KCNH1: variants seen among roughly 807,000 people sequenced by gnomAD.
KCNH1 encodes voltage-gated delayed rectifier potassium channel KCNH1.
In KCNH1, 27 loss-of-function variants were observed where a neutral mutation model predicts 69.2. That is an observed-to-expected ratio of 0.39 (90% CI 0.29 to 0.54). The LOEUF (loss-of-function observed/expected upper bound fraction) is 0.54, where lower values mean the gene tolerates loss of function less well. Among genes scored for constraint, KCNH1 ranks in the 20% least tolerant of loss-of-function variants. KCNH1 has a pLI of 0.68. For synonymous variants in KCNH1, 456 were observed against 487.7 expected (o/e 0.93, Z 0.86); for missense variants, 798 against 1,261.6 (o/e 0.63, Z 5.57).
At chr1:210,813,194 C>T (rs1684742787) in intron 7 of KCNH1, among the ~76,000 whole-genome samples, 1 of 152,118 alleles carries the variant, frequency 6.6e-6, no homozygotes, top group African/African-American at 2.4e-5. Flanking sequence ...AGACAGTAAC[C>T]TAGAACAGTA....
intron 10 of KCNH1, among the ~76,000 whole-genome samples, chr1:210,701,343 G>A (rs988533528): frequency 6.6e-6 from 1 of 152,182 alleles, no homozygotes; most frequent in Non-Finnish European, 1.5e-5. Flanking sequence ...AAAGCACTGG[G>A]ATTGCAGGTC....
At chr1:210,872,766 A>G (rs914763598) in intron 7 of KCNH1, among the ~76,000 whole-genome samples, 4 of 152,158 alleles carry the variant, frequency 2.6e-5, no homozygotes. Context: ...TACGCCATTC[A>G]TAAGAACTCT....
chr1:210,823,686 GA>G (rs1289837208), intron 7 of KCNH1, among the ~76,000 whole-genome samples: 2 of 152,106 alleles, frequency 1.3e-5, no homozygotes, highest in African/African-American at 4.8e-5. Flanking sequence ...ATCCTATATA[GA>G]AGGTGCTATT....
intron 5 of KCNH1, among the ~76,000 whole-genome samples, chr1:211,071,724 T>A (rs1690646963): frequency 6.6e-6 from 1 of 152,240 alleles, no homozygotes; most frequent in African/African-American, 2.4e-5. Context: ...TCAATATTTC[T>A]AGGCTATGCA....
At chr1:210,867,050 G>A (rs1412853088) in intron 7 of KCNH1, among the ~76,000 whole-genome samples, 1 of 152,002 alleles carries the variant, frequency 6.6e-6, no homozygotes, top group Admixed American at 6.6e-5. Flanking sequence ...TATATGAAGT[G>A]TCCAGAACAG....
chr1:211,012,879 C>T (rs552123386), intron 6 of KCNH1, among the ~76,000 whole-genome samples: 12 of 151,978 alleles, frequency 7.9e-5, no homozygotes, highest in Non-Finnish European at 1.5e-4. Flanking sequence ...AAACTGTGTG[C>T]GAGGAGGGGA....
At chr1:210,949,937 C>T (rs557841440) in intron 6 of KCNH1, among the ~76,000 whole-genome samples, 6 of 152,302 alleles carry the variant, frequency 3.9e-5, no homozygotes, top group Admixed American at 1.3e-4. Context: ...AATGGAAAAA[C>T]GGCAAATCAA....
chr1:210,999,408 A>G (rs1250006290), intron 6 of KCNH1, among the ~76,000 whole-genome samples: 2 of 152,212 alleles, frequency 1.3e-5, no homozygotes, highest in Non-Finnish European at 2.9e-5. Context: ...AAACTAGAAA[A>G]TTTAGAAGAA....
intron 3 of KCNH1, among the ~76,000 whole-genome samples, chr1:211,096,150 A>G (rs7550392): frequency 0.75 from 113,566 of 151,802 alleles, 42,883 homozygotes; most frequent in South Asian, 0.8. Flanking sequence ...TGCAACTTCC[A>G]CCTCCCAGGC....
chr1:210,890,899 T>C (rs1222648583), intron 7 of KCNH1, among the ~76,000 whole-genome samples: 1 of 152,156 alleles, frequency 6.6e-6, no homozygotes, highest in Non-Finnish European at 1.5e-5. Flanking sequence ...CAACAGGTGC[T>C]GGAGAGGATG....
intron 6 of KCNH1, among the ~76,000 whole-genome samples, chr1:210,999,444 C>T (rs948836604): frequency 6.6e-5 from 10 of 152,258 alleles, no homozygotes; most frequent in African/African-American, 2.4e-4. Flanking sequence ...GACACATACA[C>T]CCTCCCAAGA....
chr1:210,688,030 T>G (rs929059351), intron 10 of KCNH1, among the ~76,000 whole-genome samples: 3 of 152,178 alleles, frequency 2.0e-5, no homozygotes, highest in Non-Finnish European at 2.9e-5. Context: ...GGGGAAAAGT[T>G]CCAAGGTTAG....
chr1:210,741,911 G>A (rs566930968), intron 10 of KCNH1, among the ~76,000 whole-genome samples: 173 of 152,290 alleles, frequency 1.1e-3, no homozygotes, highest in African/African-American at 4.0e-3. Context: ...GAAGAGCCCC[G>A]CTAGATTAAA....
At chr1:210,921,966 T>G (rs72757566) in intron 6 of KCNH1, among the ~76,000 whole-genome samples, 1 of 152,166 alleles carries the variant, frequency 6.6e-6, no homozygotes, top group African/African-American at 2.4e-5. Context: ...CCCTCTGTCA[T>G]GTGAACACGT....
At chr1:210,847,084 C>G (rs552838499) in intron 7 of KCNH1, among the ~76,000 whole-genome samples, 5 of 152,122 alleles carry the variant, frequency 3.3e-5, no homozygotes, top group African/African-American at 4.8e-5. Flanking sequence ...GAAACAACAG[C>G]TGCTGGACAG....
At chr1:210,918,586 A>G (rs901735683) in intron 7 of KCNH1, among the ~76,000 whole-genome samples, 2 of 152,214 alleles carry the variant, frequency 1.3e-5, no homozygotes, top group African/African-American at 2.4e-5. Context: ...ACAGCTATAC[A>G]ACAGTCAGTG....
chr1:211,124,628 A>AAG (rs535465737), intron 1 of KCNH1, among the ~76,000 whole-genome samples: 9 of 151,378 alleles, frequency 5.9e-5, no homozygotes, highest in East Asian at 3.9e-4. Flanking sequence ...GAAAGAAAGA[A>AAG]AGAGAGAGAG....
intron 7 of KCNH1, among the ~76,000 whole-genome samples, chr1:210,853,586 C>A (rs1685758080): frequency 6.6e-6 from 1 of 152,192 alleles, no homozygotes. Context: ...AGAGCCCAGG[C>A]CCAGCCTGAT....
chr1:211,008,332 C>A (rs1689323187), intron 6 of KCNH1, among the ~76,000 whole-genome samples: 1 of 152,142 alleles, frequency 6.6e-6, no homozygotes, highest in African/African-American at 2.4e-5. Flanking sequence ...TTATGAGGTA[C>A]CTATGTTTGT....
Sources: allele counts gnomAD v4.1 joint callset (sites outside exome capture counted in the v4.1 genomes callset), GRCh38; gene constraint gnomAD v4.1.1; transcripts MANE v1.5; gene names NCBI Gene and HGNC (gene_info 2026-07-23, HGNC 2026-07-21).